MLLT1: variants seen among roughly 807,000 people sequenced by gnomAD.
The protein encoded by MLLT1 is protein ENL.
MLLT1 carries 11 observed loss-of-function variants against 55.1 expected under a neutral mutation model. The ratio of observed to expected loss-of-function variants is 0.20; its 90% CI spans 0.13 to 0.33. The LOEUF is 0.33. Among genes scored for constraint, MLLT1 ranks in the 10% least tolerant of loss-of-function variants. MLLT1 has a pLI of 1.00. For missense variants in MLLT1, 536 were observed against 760.6 expected (o/e 0.70, Z 3.47); for synonymous variants, 323 against 320.1 (o/e 1.01, Z -0.10).
rs930082794 is a variant in MLLT1 at position 6,221,047 on chromosome 19, C to T, written c.1110+1074G>A. 2.6e-5 allele frequency among the ~76,000 whole-genome samples: 4 copies of T among 152,224 alleles called. No homozygotes were observed. The East Asian group carries it at 5.8e-4, about 22-fold the overall frequency. On this transcript the variant is annotated intron_variant, in intron 6 of 11. Transcript: ENST00000252674. Reference sequence around the variant, plus strand: ...GGCTGGACCGTCACCCCCAGCCAGCCCCACCACCTCCATGAGGGCCCTGGG... The same window carrying T: ...GGCTGGACCGTCACCCCCAGCCAGCTCCACCACCTCCATGAGGGCCCTGGG...
intron 3 of MLLT1, among the ~76,000 whole-genome samples, chr19:6,247,312 A>G (rs972497961): frequency 6.6e-5 from 10 of 152,208 alleles, no homozygotes; most frequent in African/African-American, 2.4e-4. Flanking sequence ...AGCAACAGGA[A>G]CTAAGGCTCC....
rs1218134147 is a variant in MLLT1 at position 6,231,147 on chromosome 19, G to T, written c.277-434C>A. Among the ~76,000 whole-genome samples, 1 of 152,152 alleles carries T rather than the reference G, an allele frequency of 6.6e-6. No individual in the cohort carries two copies. Among genetic ancestry groups the T allele is most frequent in the South Asian group, 2.1e-4 (1 of 4,838 alleles). On this transcript the variant is annotated intron_variant, in intron 3 of 11. Transcript: ENST00000252674. The surrounding 1 kb of genome is among the most constrained non-coding windows in gnomAD (Gnocchi z 5.1). ...GCAGCCAGGGCCAAGCCCGACAGAC[G>T]CAGGACACAGGACACAGACTCAAAC...
intron 3 of MLLT1, among the ~76,000 whole-genome samples, chr19:6,236,326 T>C (rs552801900): frequency 6.6e-6 from 1 of 151,984 alleles, no homozygotes; most frequent in Non-Finnish European, 1.5e-5. Context: ...AACCCAGGGG[T>C]TCCTGGTGTC....
At position 6,270,279 on chromosome 19, in the gene MLLT1, C is replaced by G. The variant is rs1882222604; in HGVS notation, c.193+300G>C. ...GGTCGGCAACTTCCTGATCACTCAC[C>G]AGCCGGCTGACTTCACCTGTCCCAC... is the stretch of plus-strand genomic sequence containing the variant. On this transcript the variant is annotated intron_variant, in intron 2 of 11. Coordinates refer to ENST00000252674, the MANE Select transcript of MLLT1 (RefSeq NM_005934.4). This position sits in a 1 kb window ranked among gnomAD's most constrained non-coding sequence, Gnocchi z 7.1. 6.6e-6 allele frequency among the ~76,000 whole-genome samples: 1 copy of G among 151,402 alleles called. No individual in the cohort carries two copies. Among genetic ancestry groups the G allele is most frequent in the Admixed American group, 6.6e-5 (1 of 15,154 alleles).
rs953967411 is a variant in MLLT1 at position 6,211,855 on chromosome 19, G to T, written c.*1187C>A. On this transcript the variant is annotated 3_prime_UTR_variant, in exon 12 of 12. Coordinates refer to ENST00000252674, the MANE Select transcript of MLLT1 (RefSeq NM_005934.4). The surrounding 1 kb of genome is among the most constrained non-coding windows in gnomAD (Gnocchi z 4.6). ...GAGAATCTCAGGCATACCAGGAGTG[G>T]GGCTGCGGGCGCGGCACCAGCATGA... is the stretch of plus-strand genomic sequence containing the variant. The T allele has an allele frequency of 8.1e-5, 86 of 1,064,290 alleles. 1 individual carries two copies. Among genetic ancestry groups the T allele is most frequent in the Non-Finnish European group, 9.7e-5 (85 of 878,528 alleles). The allele number at this position is 1,064,290 out of a possible 1,614,324, so 65.9% of individuals were successfully genotyped here.
In MLLT1 at chr19:6,235,056, G is replaced by C. The variant is rs181892620; in HGVS notation, c.277-4343C>G. Among the ~76,000 whole-genome samples the C allele has an allele frequency of 5.9e-5, 9 of 152,264 alleles. No homozygotes were observed. Among genetic ancestry groups the C allele is most frequent in the Admixed American group, 3.3e-4 (5 of 15,300 alleles). On this transcript the variant is annotated intron_variant, in intron 3 of 11. Coordinates refer to ENST00000252674, the MANE Select transcript of MLLT1 (RefSeq NM_005934.4). This position sits in a 1 kb window ranked among gnomAD's most constrained non-coding sequence, Gnocchi z 5.5. ...CACTGTCTTGTTAGAGGCCCCTTTTGAAATATTTACACATGAAATGAGGAT... is the reference window on the plus strand; with the variant it reads ...CACTGTCTTGTTAGAGGCCCCTTTTCAAATATTTACACATGAAATGAGGAT...
intron 3 of MLLT1, among the ~76,000 whole-genome samples, chr19:6,258,290 T>C (rs2091275586): frequency 6.6e-6 from 1 of 152,120 alleles, no homozygotes; most frequent in Admixed American, 6.5e-5. Context: ...GGTATAGCTG[T>C]CCGTCATTCT....
At chr19:6,265,038 C>CAAAAAAAAAAAAAAAAAA (rs928827048) in intron 2 of MLLT1, among the ~76,000 whole-genome samples, 23 of 21,166 alleles carry the variant, frequency 1.1e-3, no homozygotes, top group African/African-American at 1.5e-3. Context: ...TAGTGAACAG[C>CAAAAAAAAAAAAAAAAAA]AAAAAAAAAA....
intron 7 of MLLT1, chr19:6,216,785 G>C: frequency 2.2e-6 from 1 of 465,016 alleles, no homozygotes; most frequent in Non-Finnish European, 3.9e-6. Flanking sequence ...CAGTGGGCGC[G>C]CAGGGCCCCT....
chr19:6,253,134 G>A (rs1174555702), intron 3 of MLLT1, among the ~76,000 whole-genome samples: 1 of 151,248 alleles, frequency 6.6e-6, no homozygotes, highest in East Asian at 1.9e-4. Context: ...GGTATGGTGG[G>A]CACACCCGTA....
Position 6,219,724 on chromosome 19 carries a change from T to C in MLLT1, c.1111-1683A>G, listed in dbSNP as rs1306238613. On this transcript the variant is annotated intron_variant, in intron 6 of 11. Transcript: ENST00000252674. The surrounding 1 kb of genome is among the most constrained non-coding windows in gnomAD (Gnocchi z 4.5). ...CTGGCCCCATATCCCATGCACTTTC[T>C]CACTAAAGGTGGAGAGGGGGCAGTT... Among the ~76,000 whole-genome samples, 1 of 152,062 alleles carries C rather than the reference T, an allele frequency of 6.6e-6. No individual in the cohort carries two copies. The highest frequency in any genetic ancestry group is 1.5e-5 in the Non-Finnish European group (1 of 68,016).
chr19:6,218,064 C>A (rs779199824), intron 6 of MLLT1, 23 bp from the exon 7 acceptor site: 1 of 1,592,242 alleles, frequency 6.3e-7, no homozygotes, highest in South Asian at 1.1e-5. Context: ...GTGGGATGGG[C>A]AGGGAGGGGA....
chr19:6,259,886 T>C (rs533172817), intron 3 of MLLT1: 3 of 147,290 alleles, frequency 2.0e-5, no homozygotes, highest in Non-Finnish European at 4.4e-5. Flanking sequence ...AAAAACCTGC[T>C]ACATCTAAAA....
Position 6,212,833 on chromosome 19 carries a change from G to A in MLLT1, c.*209C>T, listed in dbSNP as rs980992583. On this transcript the variant is annotated 3_prime_UTR_variant, in exon 12 of 12. Transcript: ENST00000252674. Reference sequence around the variant, plus strand: ...AGAGAGCCCGGGGGGCGGCTCCCGTGTGGCCCAGCCCGGCCCCAGGGCTCC... The same window carrying A: ...AGAGAGCCCGGGGGGCGGCTCCCGTATGGCCCAGCCCGGCCCCAGGGCTCC... 1.4e-5 allele frequency: 13 copies of A among 913,910 alleles called. No individual in the cohort carries two copies. In the Admixed American group the frequency reaches 2.1e-4, roughly 15 times the overall value. The allele number at this position is 913,910 out of a possible 1,614,324, so 56.6% of individuals were successfully genotyped here. A position where few individuals can be genotyped will look rare whatever the true frequency, so the allele number is the denominator to read the frequency against.
At chr19:6,251,298 G>A (rs778708722) in intron 3 of MLLT1, among the ~76,000 whole-genome samples, 3 of 152,164 alleles carry the variant, frequency 2.0e-5, no homozygotes, top group African/African-American at 4.8e-5. Context: ...GGGGTGCGGC[G>A]GCACTTATTC....
In MLLT1 at chr19:6,265,524, G is replaced by T. The variant is rs1471779761; in HGVS notation, c.194-3214C>A. On this transcript the variant is annotated intron_variant, in intron 2 of 11. Transcript: ENST00000252674. The stretch of plus-strand genomic sequence containing the variant: ...CATCTCTAATAAAAATACAAAATTA[G>T]CAAGGTGAGGTGGTGCACGCCTGTA... Among the ~76,000 whole-genome samples, 4 of 152,126 alleles carry T rather than the reference G, an allele frequency of 2.6e-5. No homozygotes were observed. In the East Asian group the frequency reaches 7.7e-4, roughly 29 times the overall value.
intron 3 of MLLT1, among the ~76,000 whole-genome samples, chr19:6,242,783 G>A (rs1170211670): frequency 6.6e-6 from 1 of 152,116 alleles, no homozygotes; most frequent in African/African-American, 2.4e-5. Context: ...CAAGTGCCCC[G>A]GCCAGCATCC....
Position 6,277,479 on chromosome 19 carries a change from A to C in MLLT1, c.12+2294T>G, listed in dbSNP as rs1256513095. 2.0e-5 allele frequency among the ~76,000 whole-genome samples: 3 copies of C among 152,156 alleles called. No homozygotes were observed. In the East Asian group the frequency reaches 5.8e-4, roughly 29 times the overall value. On this transcript the variant is annotated intron_variant, in intron 1 of 11. Transcript: ENST00000252674. ...GTGGCTGGTGCGATGGAGGAACTGAAGTTGTCATTCGAGTTAGTTTAAATG... is the reference window on the plus strand; with the variant it reads ...GTGGCTGGTGCGATGGAGGAACTGACGTTGTCATTCGAGTTAGTTTAAATG...
chr19:6,238,741 C>T (rs1218830944), intron 3 of MLLT1, among the ~76,000 whole-genome samples: 2 of 152,202 alleles, frequency 1.3e-5, no homozygotes, highest in African/African-American at 4.8e-5. Context: ...GGGCCTTCTC[C>T]AGCCAGCAGC....
Sources: gnomAD v4.1 joint callset for allele counts (sites outside exome capture counted in the v4.1 genomes callset) on GRCh38, gnomAD v4.1.1 for gene constraint, Gnocchi (gnomAD v3.1) non-coding constraint, MANE v1.5 for transcripts, NCBI Gene and HGNC (gene_info 2026-07-23, HGNC 2026-07-21) for gene names.